MYO3A: variants seen among roughly 807,000 people sequenced by gnomAD.
The protein encoded by MYO3A is myosin IIIA.
A neutral mutation model predicts 192.7 loss-of-function variants in MYO3A; 180 were observed. The observed-to-expected ratio is 0.93, with a 90% CI of 0.83 to 1.06. The LOEUF (loss-of-function observed/expected upper bound fraction) is 1.06. Among genes scored for constraint, MYO3A ranks in the 50% least tolerant of loss-of-function variants. MYO3A has a pLI of 0.00. For synonymous variants in MYO3A, 628 were observed against 645.3 expected (o/e 0.97, Z 0.41); for missense variants, 1,896 against 1,905.0 (o/e 1.00, Z 0.09).
At position 26,148,244 on chromosome 10, in the gene MYO3A, C is replaced by T. The variant is rs762863690; in HGVS notation, c.2635+685C>T. Among the ~76,000 whole-genome samples the T allele has an allele frequency of 2.2e-4, 33 of 152,132 alleles. 1 individual carries two copies. Among genetic ancestry groups the T allele is most frequent in the African/African-American group, 8.0e-4 (33 of 41,426 alleles). On this transcript the variant is annotated intron_variant, in intron 23 of 34. Transcript: ENST00000642920. ...TTCCCTCCAAACCTCTCTGTTCTAT[C>T]ACCATTTGTTGAAGAGATTGTTCTT...
intron 4 of MYO3A, among the ~76,000 whole-genome samples, chr10:25,991,453 T>C (rs1840026085): frequency 1.3e-5 from 2 of 152,062 alleles, no homozygotes; most frequent in South Asian, 2.1e-4. Context: ...TTTTCTCCCA[T>C]TCTGTAGGAT....
intron 8 of MYO3A, 59 bp downstream of exon 8, chr10:26,021,707 A>G (rs774118339): frequency 6.3e-7 from 1 of 1,595,806 alleles, no homozygotes; most frequent in South Asian, 1.1e-5. Flanking sequence ...TCCAGCCACC[A>G]AGTGTTCATC....
chr10:26,043,964 C>T (rs1843499508), intron 10 of MYO3A, among the ~76,000 whole-genome samples: 1 of 152,162 alleles, frequency 6.6e-6, no homozygotes, highest in Non-Finnish European at 1.5e-5. Context: ...ACCCAAGGCC[C>T]ATGGTGTACT....
chr10:26,167,719 T>C (rs144630591), intron 27 of MYO3A, among the ~76,000 whole-genome samples: 251 of 152,362 alleles, frequency 1.6e-3, no homozygotes, highest in African/African-American at 5.9e-3. Context: ...ATGGACTAAA[T>C]GTATTAACAT....
At chr10:26,198,203 A>C (rs1843509725) in intron 32 of MYO3A, among the ~76,000 whole-genome samples, 1 of 152,010 alleles carries the variant, frequency 6.6e-6, no homozygotes, top group South Asian at 2.1e-4. Context: ...TAGCGGCCTT[A>C]AAATCAGTAT....
intron 26 of MYO3A, among the ~76,000 whole-genome samples, chr10:26,165,624 A>C (rs980387714): frequency 6.6e-6 from 1 of 152,218 alleles, no homozygotes; most frequent in Non-Finnish European, 1.5e-5. Context: ...GGGAAGTTTC[A>C]CTGGAATTAA....
At chr10:26,011,562 T>A (rs1259478985) in intron 6 of MYO3A, among the ~76,000 whole-genome samples, 1 of 152,168 alleles carries the variant, frequency 6.6e-6, no homozygotes, top group African/African-American at 2.4e-5. Context: ...CCTCCTAGAT[T>A]GAATCAGGAA....
intron 10 of MYO3A, among the ~76,000 whole-genome samples, chr10:26,043,927 T>C (rs72793970): frequency 0.16 from 24,724 of 152,174 alleles, 2,303 homozygotes; most frequent in Non-Finnish European, 0.21. Context: ...TGCTGATTCT[T>C]ACTTGAAGCC....
rs1842433539 is a variant in MYO3A, at chr10:26,024,030, C to T, written c.740C>T (p.Pro247Leu). The change falls in exon 9 of 35, where the codon CCC becomes CTC. Residue 247 changes from proline to leucine, a missense_variant. Pro to Leu is a moderately conservative substitution (Grantham distance 98). Coordinates refer to ENST00000642920, the MANE Select transcript of MYO3A (RefSeq NM_017433.5). ...RALFKIPRNP[P>L]PKLRQPELWS... ...GATTCTTATTTTTCTAGGAATCCAC[C>T]CCCAAAACTAAGGCAGCCTGAGCTA... is the stretch of plus-strand genomic sequence containing the variant. 1 of 1,612,604 alleles carries T rather than the reference C, an allele frequency of 6.2e-7. No homozygotes were observed. Among genetic ancestry groups the T allele is most frequent in the Admixed American group, 1.7e-5 (1 of 59,974 alleles).
intron 17 of MYO3A, among the ~76,000 whole-genome samples, chr10:26,118,320 T>C (rs137980500): frequency 7.1e-4 from 108 of 152,352 alleles, no homozygotes; most frequent in African/African-American, 2.5e-3. Context: ...ATATTACAAA[T>C]GCTAATTCCT....
At chr10:26,170,299 A>G (rs752541831) in intron 28 of MYO3A, 117 bp from the exon 29 acceptor site, 13 of 1,167,236 alleles carry the variant, frequency 1.1e-5, no homozygotes, top group African/African-American at 1.6e-5. Flanking sequence ...TCTATTTGGC[A>G]TTTTAATTTT....
intron 31 of MYO3A, among the ~76,000 whole-genome samples, chr10:26,182,479 G>A (rs1216320894): frequency 2.6e-5 from 4 of 152,208 alleles, no homozygotes; most frequent in East Asian, 3.8e-4. Context: ...TGAAGTATGA[G>A]CGGAGGGAAA....
At chr10:25,938,369 G>GA (rs574443904) in intron 2 of MYO3A, among the ~76,000 whole-genome samples, 57 of 152,324 alleles carry the variant, frequency 3.7e-4, no homozygotes, top group Middle Eastern at 3.4e-3. Context: ...GAGAACACAG[G>GA]AAAGTCAGAA....
At chr10:26,152,410 A>C (rs1840847175) in intron 23 of MYO3A, among the ~76,000 whole-genome samples, 1 of 152,244 alleles carries the variant, frequency 6.6e-6, no homozygotes, top group Admixed American at 6.5e-5. Context: ...TTCCCAATGG[A>C]AAATGTTAGA....
intron 18 of MYO3A, among the ~76,000 whole-genome samples, chr10:26,124,716 A>G (rs1420424319): frequency 1.3e-5 from 2 of 152,236 alleles, no homozygotes; most frequent in Admixed American, 1.3e-4. Flanking sequence ...ATTATATTCA[A>G]AAATGAGTTT....
chr10:26,058,940 G>GA (rs34192722), intron 10 of MYO3A, among the ~76,000 whole-genome samples: 71,569 of 151,556 alleles, frequency 0.47, 17,695 homozygotes, highest in Middle Eastern at 0.58. Flanking sequence ...ATTTCATTGG[G>GA]GGGTGCAAAT....
At chr10:26,129,400 A>G (rs1490712609) in intron 20 of MYO3A, among the ~76,000 whole-genome samples, 2 of 152,070 alleles carry the variant, frequency 1.3e-5, no homozygotes, top group African/African-American at 4.8e-5. Context: ...TCAAATATTC[A>G]TTCCCTCTCC....
At chr10:26,141,534 C>T (rs1840166496) in intron 20 of MYO3A, among the ~76,000 whole-genome samples, 1 of 152,154 alleles carries the variant, frequency 6.6e-6, no homozygotes, top group Admixed American at 6.5e-5. Context: ...TGGATTTTGA[C>T]ACAGGCAAAT....
chr10:26,015,143 A>C (rs4749090), intron 6 of MYO3A, among the ~76,000 whole-genome samples: 19,813 of 152,046 alleles, frequency 0.13, 1,566 homozygotes, highest in East Asian at 0.36. Context: ...AACCTCTATA[A>C]TGTTCCTGTG....
Sources: gnomAD v4.1 joint callset for allele counts (sites outside exome capture counted in the v4.1 genomes callset) on GRCh38, gnomAD v4.1.1 for gene constraint, MANE v1.5 for transcripts, NCBI Gene and HGNC (gene_info 2026-07-23, HGNC 2026-07-21) for gene names.